LAMC3: variants seen among roughly 807,000 people sequenced by gnomAD.
LAMC3 encodes the protein laminin subunit gamma 3.
LAMC3 carries 128 observed loss-of-function variants against 173.8 expected under a neutral mutation model. That is an observed-to-expected ratio of 0.74 (90% confidence interval 0.64 to 0.85). The LOEUF is 0.85. Among genes scored for constraint, LAMC3 ranks in the 40% least tolerant of loss-of-function variants. LAMC3 has a pLI of 0.00. For synonymous variants in LAMC3, 897 were observed against 909.1 expected (o/e 0.99, Z 0.24); for missense variants, 2,022 against 2,156.0 (o/e 0.94, Z 1.23).
rs3739510 is a variant in LAMC3, at chr9:131,061,184, C to A, written c.2308C>A (p.Arg770=). Residue 770 remains arginine, a synonymous_variant, in exon 13 of 28, where the codon CGG becomes AGG. Coordinates refer to ENST00000361069, the MANE Select transcript of LAMC3 (RefSeq NM_006059.4). ...QSACTTIPES[R]EVVCTHCPPG... ...GGCCTGTACGACCATCCCAGAGAGC[C>A]GGGAGGTGGTGTGTACCCACTGCCC... The A allele has an allele frequency of 9.5e-5, 153 of 1,610,828 alleles. 3 individuals carry two copies. Among genetic ancestry groups the A allele is most frequent in the South Asian group, 7.4e-4 (67 of 91,064 alleles).
Position 131,036,033 on chromosome 9 carries a change from A to G in LAMC3, c.810-133A>G, listed in dbSNP as rs997661547. On this transcript the variant is annotated intron_variant, in intron 3 of 27. Transcript: ENST00000361069. ...TACTGCTGCCCCCAGGGCACATAGT[A>G]GGTGTTCAGTGAGGGCCAAGATTGA... The G allele has an allele frequency of 5.7e-6, 5 of 882,886 alleles. No individual in the cohort carries two copies. The African/African-American group carries it at 6.5e-5, about 12-fold the overall frequency. The allele number at this position is 882,886 out of a possible 1,614,324, so 54.7% of individuals were successfully genotyped here. A position where few individuals can be genotyped will look rare whatever the true frequency, so the allele number is the denominator to read the frequency against.
chr9:131,045,146 C>T (rs1325414175), intron 7 of LAMC3, among the ~76,000 whole-genome samples: 4 of 147,196 alleles, frequency 2.7e-5, no homozygotes, highest in East Asian at 4.3e-4. Context: ...CACTTGAACC[C>T]GGGAGGCGGA....
At chr9:131,063,643 C>G (rs1829873536) in intron 13 of LAMC3, among the ~76,000 whole-genome samples, 1 of 152,202 alleles carries the variant, frequency 6.6e-6, no homozygotes, top group African/African-American at 2.4e-5. Context: ...TGCCTGCCAT[C>G]CTGGCCCCTT....
chr9:131,038,165 T>A (rs1833979126), intron 4 of LAMC3, among the ~76,000 whole-genome samples: 1 of 152,230 alleles, frequency 6.6e-6, no homozygotes, highest in Non-Finnish European at 1.5e-5. Context: ...AGCGCGGCCA[T>A]GACTTCCTCT....
chr9:131,022,007 C>T (rs1833634434), intron 1 of LAMC3, among the ~76,000 whole-genome samples: 1 of 152,166 alleles, frequency 6.6e-6, no homozygotes, highest in Non-Finnish European at 1.5e-5. Flanking sequence ...ATGGACGCTT[C>T]ATGCATCAGC....
intron 4 of LAMC3, among the ~76,000 whole-genome samples, chr9:131,038,189 CCACCACCCCAG>C (rs770895277): frequency 1.3e-5 from 2 of 152,236 alleles, no homozygotes; most frequent in African/African-American, 2.4e-5. Flanking sequence ...AAGCCTTGTC[CCACCACCCCAG>C]CACAGCTGCA....
chr9:131,025,587 G>A (rs928442659), intron 1 of LAMC3, among the ~76,000 whole-genome samples: 1 of 152,132 alleles, frequency 6.6e-6, no homozygotes, highest in Non-Finnish European at 1.5e-5. Context: ...AGGAGAGCAG[G>A]TGGAGGCCCC....
intron 25 of LAMC3, among the ~76,000 whole-genome samples, chr9:131,086,334 T>C (rs559423533): frequency 9.9e-5 from 15 of 151,774 alleles, no homozygotes; most frequent in Non-Finnish European, 1.6e-4. Flanking sequence ...TACCTTGGCC[T>C]CCCAAAGTGC....
At position 131,032,672 on chromosome 9, in the gene LAMC3, C is replaced by G. The variant is rs545715707; in HGVS notation, c.809+497C>G. On this transcript the variant is annotated intron_variant, in intron 3 of 27. Coordinates refer to ENST00000361069, the MANE Select transcript of LAMC3 (RefSeq NM_006059.4). ...TCACTCACTCTCTCTCACTCTCTCT[C>G]GCTCTCTCTCTCTCTGAAGGAGTTT... is the stretch of plus-strand genomic sequence containing the variant. Among the ~76,000 whole-genome samples the G allele has an allele frequency of 3.5e-4, 53 of 151,846 alleles. No homozygotes were observed. In the East Asian group the frequency reaches 6.4e-3, roughly 18 times the overall value.
intron 7 of LAMC3, among the ~76,000 whole-genome samples, chr9:131,042,555 T>C (rs1834075047): frequency 6.6e-6 from 1 of 151,898 alleles, no homozygotes; most frequent in Non-Finnish European, 1.5e-5. Context: ...ACATCACTAA[T>C]GGTATAACCA....
rs933144522 is a variant in LAMC3, at chr9:131,009,615, C to T, written c.373+28C>T. On this transcript the variant is annotated intron_variant, in intron 1 of 27. Transcript: ENST00000361069. The surrounding 1 kb of genome is among the most constrained non-coding windows in gnomAD (Gnocchi z 4.3). ...AAGCGCGGGCTGGGGGCACCGCCAC[C>T]GCACCCCGTGTCCCCACTCCACTGG... is the stretch of plus-strand genomic sequence containing the variant. 3.2e-6 allele frequency: 5 copies of T among 1,555,736 alleles called. No individual in the cohort carries two copies. Among genetic ancestry groups the T allele is most frequent in the South Asian group, 1.2e-5 (1 of 84,444 alleles).
chr9:131,090,190 G>T (rs988145061), intron 27 of LAMC3, among the ~76,000 whole-genome samples: 3 of 152,198 alleles, frequency 2.0e-5, no homozygotes, highest in Non-Finnish European at 4.4e-5. Flanking sequence ...CAGCGTGCGT[G>T]CAGGTAGCCA....
chr9:131,039,577 C>A (rs1834009139), intron 6 of LAMC3, among the ~76,000 whole-genome samples: 1 of 151,324 alleles, frequency 6.6e-6, no homozygotes, highest in East Asian at 1.9e-4. Flanking sequence ...TCTGGAGGAG[C>A]CGTGGATCAG....
intron 13 of LAMC3, among the ~76,000 whole-genome samples, chr9:131,064,990 G>A (rs1171954463): frequency 1.4e-5 from 2 of 146,918 alleles, no homozygotes; most frequent in African/African-American, 2.5e-5. Context: ...GCGGTGAGCC[G>A]AGATGGTGCC....
chr9:131,032,449 C>T lies in LAMC3; in HGVS notation c.809+274C>T, dbSNP rs199795866. Among the ~76,000 whole-genome samples, 266 of 151,554 alleles carry T rather than the reference C, an allele frequency of 1.8e-3. 2 individuals carry two copies. The highest frequency in any genetic ancestry group is 6.3e-3 in the African/African-American group (261 of 41,310). ...GAGGTTCCTTCCTTCCTCCCTCCCT[C>T]CCTCCCTTCCTCCCTTCGCTCTCGC... is the stretch of plus-strand genomic sequence containing the variant. On this transcript the variant is annotated intron_variant, in intron 3 of 27. Coordinates refer to ENST00000361069, the MANE Select transcript of LAMC3 (RefSeq NM_006059.4).
At chr9:131,066,303 C>A (rs530098803) in intron 13 of LAMC3, among the ~76,000 whole-genome samples, 2 of 151,730 alleles carry the variant, frequency 1.3e-5, no homozygotes, top group East Asian at 3.9e-4. Flanking sequence ...CTAGCTGGGC[C>A]AACATGGTGA....
chr9:131,091,062 A>C (rs1391534314), intron 27 of LAMC3, among the ~76,000 whole-genome samples: 1 of 151,928 alleles, frequency 6.6e-6, no homozygotes, highest in Non-Finnish European at 1.5e-5. Context: ...ACATACATAC[A>C]AAAATTAGCT....
At chr9:131,055,718 C>T (rs1278124535) in intron 11 of LAMC3, among the ~76,000 whole-genome samples, 3 of 151,910 alleles carry the variant, frequency 2.0e-5, no homozygotes, top group Admixed American at 1.3e-4. Flanking sequence ...AGCCACCGCG[C>T]CCGGCCCATT....
chr9:131,045,306 G>A (rs1834133923), intron 7 of LAMC3, among the ~76,000 whole-genome samples: 1 of 151,980 alleles, frequency 6.6e-6, no homozygotes, highest in African/African-American at 2.4e-5. Context: ...CAAATGTACT[G>A]TGGTAATGTC....
Sources: gnomAD v4.1 joint callset for allele counts (sites outside exome capture counted in the v4.1 genomes callset) on GRCh38, gnomAD v4.1.1 for gene constraint, Gnocchi (gnomAD v3.1) non-coding constraint, MANE v1.5 for transcripts, NCBI Gene and HGNC (gene_info 2026-07-23, HGNC 2026-07-21) for gene names.